Variants in TUBG1 observed in about 807,000 individuals in gnomAD.
The protein encoded by TUBG1 is tubulin gamma 1.
In TUBG1, 22 loss-of-function variants were observed where a neutral mutation model predicts 53.3. The ratio of observed to expected loss-of-function variants is 0.41; its 90% CI spans 0.29 to 0.59. The LOEUF (loss-of-function observed/expected upper bound fraction) is 0.59, where lower values mean the gene tolerates loss of function less well. Ranked by LOEUF, TUBG1 falls within the 20% of genes least tolerant of loss-of-function variation. The probability of loss-of-function intolerance (pLI) is 0.26; values close to 1 mark genes in which losing one functional copy is unlikely to be tolerated. For missense variants in TUBG1, 217 were observed against 598.9 expected, an observed-to-expected ratio of 0.36 and a Z score of 6.66; for synonymous variants, 198 against 236.7, an observed-to-expected ratio of 0.84 and a Z score of 1.50.
At chr17:42,612,806 G>T in intron 5 of TUBG1, 141 bp from the exon 6 acceptor site, 1 of 1,206,506 alleles carries the variant, frequency 8.3e-7, no homozygotes, top group Non-Finnish European at 1.1e-6. Flanking sequence ...ACTTCCAAAA[G>T]TCAAGGCTCC....
intron 3 of TUBG1, 49 bp from the exon 4 acceptor site, chr17:42,612,026 G>T (rs771364799): frequency 1.5e-5 from 24 of 1,595,056 alleles, no homozygotes; most frequent in Non-Finnish European, 1.8e-5. Flanking sequence ...TGAGGTCAGA[G>T]ACCTCCCATG....
At chr17:42,609,829 G>A in intron 1 of TUBG1, 43 bp downstream of exon 1, 6 of 1,541,706 alleles carry the variant, frequency 3.9e-6, no homozygotes, top group Non-Finnish European at 5.2e-6. Context: ...GTTCCTTAGG[G>A]TCAATGGGAT....
rs1767406333 is a variant in TUBG1, at chr17:42,614,041, C to T, written c.843+43C>T. ...TGTCCCAGGCCAGGCCGGCCCTGGG[C>T]CCAACAGGCCCTGTCCTAGCCTTTC... is the stretch of plus-strand genomic sequence containing the variant. On this transcript the variant is annotated intron_variant, in intron 8 of 10. Coordinates refer to ENST00000251413, the MANE Select transcript of TUBG1 (RefSeq NM_001070.5). This position sits in a 1 kb window ranked among gnomAD's most constrained non-coding sequence, Gnocchi z 5.1. The T allele has an allele frequency of 1.9e-6, 3 of 1,613,430 alleles. No homozygotes were observed. The highest frequency in any genetic ancestry group is 1.7e-5 in the Admixed American group (1 of 59,980).
chr17:42,610,761 G>A (rs2052025626), intron 3 of TUBG1, 171 bp downstream of exon 3: 2 of 902,260 alleles, frequency 2.2e-6, no homozygotes, highest in East Asian at 2.7e-5. Flanking sequence ...AGCTAATGCA[G>A]TGTGCCAGGT....
rs563377047 is a variant in TUBG1 at position 42,615,207 on chromosome 17, T to G, written c.*166T>G. 27 of 636,880 alleles carry G rather than the reference T, an allele frequency of 4.2e-5. No individual in the cohort carries two copies. In the South Asian group the frequency reaches 5.1e-4, roughly 12 times the overall value. The allele number at this position is 636,880 out of a possible 1,614,324, so 39.5% of individuals were successfully genotyped here. On this transcript the variant is annotated 3_prime_UTR_variant, in exon 11 of 11. Coordinates refer to ENST00000251413, the MANE Select transcript of TUBG1 (RefSeq NM_001070.5). ...TTTACTTCTCCTCTTATGAGACTAT[T>G]TATCTTTAATAAAGCACTGGATATA... is the stretch of plus-strand genomic sequence containing the variant.
Position 42,614,732 on chromosome 17 carries a change from C to T in TUBG1, c.1158+75C>T. The T allele has an allele frequency of 6.2e-7, 1 of 1,604,952 alleles. No homozygotes were observed. Among genetic ancestry groups the T allele is most frequent in the Non-Finnish European group, 8.5e-7 (1 of 1,174,390 alleles). On this transcript the variant is annotated intron_variant, in intron 10 of 10. Transcript: ENST00000251413. This position sits in a 1 kb window ranked among gnomAD's most constrained non-coding sequence, Gnocchi z 5.1. ...TACCTCACCTCTCTGCATCTGCTGG[C>T]CCTGCTTCTAGCTTTTTTGCTGTGG...
At chr17:42,611,813 G>A (rs912277056) in intron 3 of TUBG1, among the ~76,000 whole-genome samples, 1 of 151,220 alleles carries the variant, frequency 6.6e-6, no homozygotes, top group Non-Finnish European at 1.5e-5. Context: ...CCAAGATCGC[G>A]CCACTGCACT....
chr17:42,612,902 A>C (rs951016770), intron 5 of TUBG1, 45 bp from the exon 6 acceptor site: 4 of 1,609,430 alleles, frequency 2.5e-6, no homozygotes, highest in African/African-American at 1.3e-5. Context: ...CATGTTCACC[A>C]GGCCTTCGGT....
rs2052043955 is a variant in TUBG1 at position 42,612,473 on chromosome 17, T to G, written c.446T>G (p.Leu149Arg). The part of the protein sequence containing the change: ...HSIAGGTGSG[L>R]GSYLLERLND... Reference sequence around the variant, plus strand: ...ATTGCTGGGGGGACAGGCTCTGGACTGGGTTCCTACCTCTTAGAACGGCTG... The same window carrying G: ...ATTGCTGGGGGGACAGGCTCTGGACGGGGTTCCTACCTCTTAGAACGGCTG... Residue 149 changes from leucine (L) to arginine (R), a missense_variant, in exon 5 of 11, where the codon CTG becomes CGG. Transcript: ENST00000251413. 1 of 1,613,990 alleles carries G rather than the reference T, an allele frequency of 6.2e-7. No individual in the cohort carries two copies. Among genetic ancestry groups the G allele is most frequent in the South Asian group, 1.1e-5 (1 of 91,082 alleles).
rs996092552 is a variant in TUBG1 at position 42,614,838 on chromosome 17, C to T, written c.1159-6C>T. ...TTTGTAACCCCTGTTTTCTGCACAC[C>T]CCAAGCTCTTCGAGAGAACCTGTCG... On this transcript the variant is annotated splice_region_variant and splice_polypyrimidine_tract_variant and intron_variant, in intron 10 of 10. Coordinates refer to ENST00000251413, the MANE Select transcript of TUBG1 (RefSeq NM_001070.5). The surrounding 1 kb of genome is among the most constrained non-coding windows in gnomAD (Gnocchi z 5.1). The T allele has an allele frequency of 6.2e-7, 1 of 1,614,052 alleles. No individual in the cohort carries two copies. The highest frequency in any genetic ancestry group is 1.3e-5 in the African/African-American group (1 of 74,926).
chr17:42,612,894 T>C (rs1041606016), intron 5 of TUBG1, 53 bp from the exon 6 acceptor site: 15 of 1,607,404 alleles, frequency 9.3e-6, no homozygotes, highest in Middle Eastern at 1.7e-4. Flanking sequence ...GGGAGCGCCA[T>C]GTTCACCAGG....
chr17:42,614,766 C>T lies in TUBG1; in HGVS notation c.1159-78C>T. 6.2e-7 allele frequency: 1 copy of T among 1,609,168 alleles called. No homozygotes were observed. The highest frequency in any genetic ancestry group is 8.5e-7 in the Non-Finnish European group (1 of 1,177,010). On this transcript the variant is annotated intron_variant, in intron 10 of 10. Coordinates refer to ENST00000251413, the MANE Select transcript of TUBG1 (RefSeq NM_001070.5). The surrounding 1 kb of genome is among the most constrained non-coding windows in gnomAD (Gnocchi z 5.1). ...TAGCTTTTTTGCTGTGGGCATAGCC[C>T]AGCCTTGGTTCCCCAGCTTTCTGGG...
intron 3 of TUBG1, among the ~76,000 whole-genome samples, 177 bp from the exon 4 acceptor site, chr17:42,611,898 G>A (rs2052036767): frequency 1.3e-5 from 2 of 152,192 alleles, no homozygotes; most frequent in African/African-American, 4.8e-5. Context: ...TAGTCTGGGT[G>A]TAGAGTGCTT....
At chr17:42,613,537 G>C in intron 6 of TUBG1, 110 bp from the exon 7 acceptor site, 1 of 1,540,028 alleles carries the variant, frequency 6.5e-7, no homozygotes, top group South Asian at 1.1e-5. Flanking sequence ...TTTCCAGTGA[G>C]TCTTTCTGGC....
At position 42,610,101 on chromosome 17, in the gene TUBG1, C is replaced by A. The variant is rs751253392; in HGVS notation, c.50-7C>A. ...TTCTTTCTCCCCTGCCCGCCCCTTC[C>A]CCCCAGTTGGGTTCGAGTTCTGGAA... On this transcript the variant is annotated splice_region_variant and splice_polypyrimidine_tract_variant and intron_variant, in intron 1 of 10. Coordinates refer to ENST00000251413, the MANE Select transcript of TUBG1 (RefSeq NM_001070.5). 3.7e-6 allele frequency: 6 copies of A among 1,614,006 alleles called. No individual in the cohort carries two copies. The highest frequency in any genetic ancestry group is 4.2e-6 in the Non-Finnish European group (5 of 1,180,014).
rs199620054 is a variant in TUBG1, at chr17:42,613,643, C to G, written c.607-4C>G. 379 of 1,614,122 alleles carry G rather than the reference C, an allele frequency of 2.3e-4. No homozygotes were observed. The highest frequency in any genetic ancestry group is 2.8e-4 in the Admixed American group (17 of 60,010). ...TGATCTGTGATCCTCTTCTGTCCCCCCAGGTGGTGCTGGACAACACAGCCC... is the reference window on the plus strand; with the variant it reads ...TGATCTGTGATCCTCTTCTGTCCCCGCAGGTGGTGCTGGACAACACAGCCC... On this transcript the variant is annotated splice_region_variant and splice_polypyrimidine_tract_variant and intron_variant, in intron 6 of 10. Transcript: ENST00000251413.
At position 42,615,107 on chromosome 17, in the gene TUBG1, C is replaced by A. The variant is rs1361103138; in HGVS notation, c.*66C>A. 3 of 1,535,236 alleles carry A rather than the reference C, an allele frequency of 2.0e-6. No individual in the cohort carries two copies. Among genetic ancestry groups the A allele is most frequent in the African/African-American group, 1.4e-5 (1 of 73,306 alleles). On this transcript the variant is annotated 3_prime_UTR_variant, in exon 11 of 11. Coordinates refer to ENST00000251413, the MANE Select transcript of TUBG1 (RefSeq NM_001070.5). Reference sequence around the variant, plus strand: ...CCCAAGCCCTGCCTGACTGACCACCCCCTCAGAGCACAGATCAGGGACCTC... The same window carrying A: ...CCCAAGCCCTGCCTGACTGACCACCACCTCAGAGCACAGATCAGGGACCTC...
intron 1 of TUBG1, 59 bp from the exon 2 acceptor site, chr17:42,610,049 A>G: frequency 6.3e-7 from 1 of 1,597,402 alleles, no homozygotes; most frequent in South Asian, 1.1e-5. Context: ...CCGGCTCCTG[A>G]TTGGAACCTG....
Position 42,614,960 on chromosome 17 carries a change from G to A in TUBG1, c.1275G>A (p.Arg425=), listed in dbSNP as rs11538914. ...KDNFDEMDTS[R]EIVQQLIDEY... ...ACTTTGATGAGATGGACACATCCAG[G>A]GAGATTGTGCAGCAGCTCATCGATG... is the stretch of plus-strand genomic sequence containing the variant. Residue 425 remains arginine, a synonymous_variant, in exon 11 of 11, where the codon AGG becomes AGA. Coordinates refer to ENST00000251413, the MANE Select transcript of TUBG1 (RefSeq NM_001070.5). The surrounding 1 kb of genome is among the most constrained non-coding windows in gnomAD (Gnocchi z 5.1). 2.4e-3 allele frequency: 3,818 copies of A among 1,614,200 alleles called. 5 individuals carry two copies. Among genetic ancestry groups the A allele is most frequent in the Non-Finnish European group, 3.0e-3 (3,516 of 1,180,030 alleles).
Sources: gnomAD v4.1 joint callset for allele counts (sites outside exome capture counted in the v4.1 genomes callset) on GRCh38, gnomAD v4.1.1 for gene constraint, Gnocchi (gnomAD v3.1) non-coding constraint, MANE v1.5 for transcripts, NCBI Gene and HGNC (gene_info 2026-07-23, HGNC 2026-07-21) for gene names.